RIC1: variants seen among roughly 807,000 people sequenced by gnomAD.
The protein encoded by RIC1 is RIC1 partner of RAB6A GEF complex, also known as guanine nucleotide exchange factor subunit RIC1.
A neutral mutation model predicts 169.0 loss-of-function variants in RIC1; 88 were observed. The observed-to-expected ratio is 0.52, with a 90% CI of 0.44 to 0.62. The LOEUF (loss-of-function observed/expected upper bound fraction) is 0.62, where lower values mean the gene tolerates loss of function less well. RIC1 is among the 20% of genes least tolerant of loss of function. RIC1 has a pLI of 0.00. For missense variants in RIC1, 1,877 were observed against 1,725.5 expected (o/e 1.09, Z -1.56); for synonymous variants, 790 against 601.5 (o/e 1.31, Z -4.59).
chr9:5,772,314 G>A (rs1827278023), intron 23 of RIC1, among the ~76,000 whole-genome samples: 1 of 152,164 alleles, frequency 6.6e-6, no homozygotes, highest in Non-Finnish European at 1.5e-5. Flanking sequence ...AGATTTTATT[G>A]AGGGAGTTGG....
chr9:5,725,299 T>C (rs1265893488), intron 6 of RIC1, among the ~76,000 whole-genome samples: 1 of 152,226 alleles, frequency 6.6e-6, no homozygotes, highest in African/African-American at 2.4e-5. Flanking sequence ...GGTGTATTTG[T>C]CCAGGAATTT....
At chr9:5,706,093 A>G (rs1822569183) in intron 3 of RIC1, among the ~76,000 whole-genome samples, 1 of 152,152 alleles carries the variant, frequency 6.6e-6, no homozygotes, top group Non-Finnish European at 1.5e-5. Context: ...CATAAGGTAT[A>G]TTGAGCCATG....
chr9:5,684,143 C>G lies in RIC1; in HGVS notation c.253-5816C>G, dbSNP rs113094055. 5.0e-3 allele frequency among the ~76,000 whole-genome samples: 760 copies of G among 152,136 alleles called. 8 individuals are homozygous for G. The highest frequency in any genetic ancestry group is 0.017 in the African/African-American group (718 of 41,476). On this transcript the variant is annotated intron_variant, in intron 2 of 25. Transcript: ENST00000414202. ...TTCAGCTCACGCACAGTGCGCTGCA[C>G]CCACTGTCCGGCACACCCCGGTGAG...
intron 2 of RIC1, 92 bp from the exon 3 acceptor site, chr9:5,689,864 ATTT>A (rs1383687210): frequency 4.9e-6 from 4 of 808,664 alleles, no homozygotes; most frequent in Non-Finnish European, 5.8e-6. Flanking sequence ...TGGAGAATAA[ATTT>A]TTTTTCGAAG....
chr9:5,729,637 G>T (rs547701346), intron 6 of RIC1, among the ~76,000 whole-genome samples: 2 of 152,090 alleles, frequency 1.3e-5, no homozygotes, highest in African/African-American at 4.8e-5. Context: ...TTTATATTCA[G>T]TCATCTCTCT....
chr9:5,641,284 G>A (rs1322547070), intron 1 of RIC1, among the ~76,000 whole-genome samples: 2 of 151,756 alleles, frequency 1.3e-5, no homozygotes, highest in Non-Finnish European at 1.5e-5. Context: ...GTAGAGATGG[G>A]GTTTCACTGT....
chr9:5,653,050 T>A (rs890159879), intron 1 of RIC1, among the ~76,000 whole-genome samples: 5 of 152,236 alleles, frequency 3.3e-5, no homozygotes, highest in African/African-American at 4.8e-5. Flanking sequence ...CTGGGATCAG[T>A]CCTACTTGAT....
At chr9:5,744,669 G>T (rs1187400879) in intron 10 of RIC1, among the ~76,000 whole-genome samples, 1 of 151,110 alleles carries the variant, frequency 6.6e-6, no homozygotes, top group Non-Finnish European at 1.5e-5. Context: ...ATCACATGAA[G>T]TCAGGTGTGG....
intron 1 of RIC1, among the ~76,000 whole-genome samples, chr9:5,640,503 GTTCGT>G (rs983416144): frequency 4.6e-5 from 7 of 151,902 alleles, no homozygotes; most frequent in Non-Finnish European, 1.0e-4. Context: ...TTCTTTATTG[GTTCGT>G]TTCATCAGTC....
intron 21 of RIC1, among the ~76,000 whole-genome samples, chr9:5,767,630 C>G (rs1005564036): frequency 1.3e-5 from 2 of 152,158 alleles, no homozygotes; most frequent in Non-Finnish European, 2.9e-5. Flanking sequence ...TCTTGTTGCC[C>G]AGGCTGGAGT....
intron 2 of RIC1, among the ~76,000 whole-genome samples, chr9:5,681,552 C>G (rs201535782): frequency 6.6e-6 from 1 of 152,124 alleles, no homozygotes; most frequent in Non-Finnish European, 1.5e-5. Flanking sequence ...TGAGGAGTGC[C>G]TTACTTCAAA....
At chr9:5,767,648 C>T (rs1452051236) in intron 21 of RIC1, among the ~76,000 whole-genome samples, 5 of 152,152 alleles carry the variant, frequency 3.3e-5, no homozygotes, top group Non-Finnish European at 7.4e-5. Context: ...AGTGCAATGG[C>T]TTGATCTCGG....
Position 5,756,557 on chromosome 9 carries a change from G to A in RIC1, c.1853+185G>A, listed in dbSNP as rs763392810. Among the ~76,000 whole-genome samples, 24 of 151,630 alleles carry A rather than the reference G, an allele frequency of 1.6e-4. No individual in the cohort carries two copies. In the South Asian group the frequency reaches 2.7e-3, roughly 17 times the overall value. ...AATAGCTAAAAAAAAAAGAAATATC[G>A]TACACTAACTTCTTTAGCTTATCTT... is the stretch of plus-strand genomic sequence containing the variant. On this transcript the variant is annotated intron_variant, in intron 16 of 25. Coordinates refer to ENST00000414202, the MANE Select transcript of RIC1 (RefSeq NM_020829.4).
In RIC1 at chr9:5,765,553, C is replaced by T. The variant is rs1391067966; in HGVS notation, c.2981C>T (p.Pro994Leu). 3 of 1,612,148 alleles carry T rather than the reference C, an allele frequency of 1.9e-6. No homozygotes were observed. In the Admixed American group the frequency reaches 5.0e-5, roughly 27 times the overall value. Residue 994 changes from proline (P) to leucine (L), a missense_variant, in exon 20 of 26, where the codon CCA becomes CTA. By Grantham distance (98) the Pro-to-Leu change is moderately conservative. Coordinates refer to ENST00000414202, the MANE Select transcript of RIC1 (RefSeq NM_020829.4). ...GGCTCTGGAGAATCTGAGACACCTC[C>T]ATCCACACCCACAGCTCAGGTTAGT... ...AIGSGESETP[P>L]STPTAQEPSS... is the part of the protein sequence containing the mutation.
intron 10 of RIC1, among the ~76,000 whole-genome samples, chr9:5,744,866 G>A (rs538515865): frequency 3.0e-4 from 45 of 152,188 alleles, no homozygotes; most frequent in Middle Eastern, 3.4e-3. Context: ...TAGCCCCTCT[G>A]CATACCATCC....
At chr9:5,725,921 G>C (rs1299056763) in intron 6 of RIC1, among the ~76,000 whole-genome samples, 1 of 152,188 alleles carries the variant, frequency 6.6e-6, no homozygotes, top group East Asian at 1.9e-4. Context: ...TGGTCTGAGA[G>C]ACAGTTGGTT....
chr9:5,645,339 C>T (rs759144302), intron 1 of RIC1, among the ~76,000 whole-genome samples: 13 of 152,204 alleles, frequency 8.5e-5, no homozygotes, highest in Non-Finnish European at 1.3e-4. Context: ...ATGCCCAGAC[C>T]ATTTTTGTTT....
chr9:5,769,351 TTC>T (rs777447757), intron 22 of RIC1, 95 bp downstream of exon 22: 2 of 1,612,806 alleles, frequency 1.2e-6, no homozygotes, highest in Non-Finnish European at 1.7e-6. Context: ...AGGAATTATT[TTC>T]ATTCCAAACT....
rs1437990896 is a variant in RIC1, at chr9:5,763,898, G to T, written c.2841+30G>T. The stretch of plus-strand genomic sequence containing the variant: ...CAATTCTCTTCTTATAAAGGGGCAA[G>T]AATTAATGAGCTTAAACTTAGAAAA... On this transcript the variant is annotated intron_variant, in intron 19 of 25. Coordinates refer to ENST00000414202, the MANE Select transcript of RIC1 (RefSeq NM_020829.4). The surrounding 1 kb of genome is among the most constrained non-coding windows in gnomAD (Gnocchi z 5.2). 2 of 1,573,586 alleles carry T rather than the reference G, an allele frequency of 1.3e-6. No individual in the cohort carries two copies. Among genetic ancestry groups the T allele is most frequent in the Non-Finnish European group, 1.7e-6 (2 of 1,157,718 alleles).
Sources: allele counts gnomAD v4.1 joint callset (sites outside exome capture counted in the v4.1 genomes callset), GRCh38; gene constraint gnomAD v4.1.1; non-coding constraint Gnocchi (gnomAD v3.1); transcripts MANE v1.5; gene names NCBI Gene and HGNC (gene_info 2026-07-23, HGNC 2026-07-21).